The following MEGF9 variants were observed in gnomAD, a reference collection of about 807,000 sequenced individuals.
The protein encoded by MEGF9 is multiple epidermal growth factor-like domains protein 9.
A neutral mutation model predicts 46.8 loss-of-function variants in MEGF9; 6 were observed. That is an observed-to-expected ratio of 0.13 (90% CI 0.07 to 0.25). The LOEUF is 0.25. Among genes scored for constraint, MEGF9 ranks in the 10% least tolerant of loss-of-function variants. The pLI, the probability that MEGF9 is intolerant of heterozygous loss-of-function variation, is 1.00. For missense variants in MEGF9, 683 were observed against 792.4 expected (o/e 0.86, Z 1.66); for synonymous variants, 302 against 330.7 (o/e 0.91, Z 0.94).
At chr9:120,649,269 T>C (rs1191218712) in intron 2 of MEGF9, among the ~76,000 whole-genome samples, 1 of 152,234 alleles carries the variant, frequency 6.6e-6, no homozygotes, top group Non-Finnish European at 1.5e-5. Flanking sequence ...AATTTTAAGA[T>C]ACACCGTAGA....
intron 2 of MEGF9, among the ~76,000 whole-genome samples, chr9:120,632,640 G>A (rs897532661): frequency 6.6e-5 from 10 of 152,128 alleles, no homozygotes; most frequent in Non-Finnish European, 8.8e-5. Flanking sequence ...TGTTGAATAG[G>A]AGTGGTGAAA....
chr9:120,651,946 T>C (rs911187709), intron 2 of MEGF9, among the ~76,000 whole-genome samples: 1 of 151,446 alleles, frequency 6.6e-6, no homozygotes, highest in Non-Finnish European at 1.5e-5. Flanking sequence ...CCATCGCGCC[T>C]GGCCTGTATA....
chr9:120,629,846 T>C (rs1473761230), intron 2 of MEGF9, among the ~76,000 whole-genome samples: 1 of 151,944 alleles, frequency 6.6e-6, no homozygotes, highest in African/African-American at 2.4e-5. Context: ...GGCAGGCGAA[T>C]TGCTTGAACC....
At chr9:120,695,391 G>C (rs1159684558) in intron 1 of MEGF9, among the ~76,000 whole-genome samples, 1 of 151,920 alleles carries the variant, frequency 6.6e-6, no homozygotes, top group African/African-American at 2.4e-5. Context: ...AAATCACAAG[G>C]TCAGGAGTTC....
Position 120,603,377 on chromosome 9 carries a change from G to A in MEGF9, c.*1813C>T, listed in dbSNP as rs2043406119. ...AATATAATGTAACCTCTATTCTTCTGAGCAATGGCCAAATACGCAAAGCAC... is the reference window on the plus strand; with the variant it reads ...AATATAATGTAACCTCTATTCTTCTAAGCAATGGCCAAATACGCAAAGCAC... On this transcript the variant is annotated 3_prime_UTR_variant, in exon 6 of 6. Transcript: ENST00000373930. 6.6e-6 allele frequency: 1 copy of A among 152,108 alleles called. No individual in the cohort carries two copies. Among genetic ancestry groups the A allele is most frequent in the African/African-American group, 2.4e-5 (1 of 41,412 alleles). The allele number at this position is 152,108 out of a possible 1,614,324, so 9.4% of individuals were successfully genotyped here.
chr9:120,608,264 AATAATCT>A lies in MEGF9; in HGVS notation c.1088-261_1088-255del, dbSNP rs1284584001. On this transcript the variant is annotated intron_variant, in intron 4 of 5. Coordinates refer to ENST00000373930, the MANE Select transcript of MEGF9 (RefSeq NM_001080497.3). ...ATAATCTCTATTAATTAATTAAACT[AATAATCT>A]ATAATCTATTTACTAATTTTCCAGC... Among the ~76,000 whole-genome samples the A allele has an allele frequency of 2.6e-5, 4 of 152,260 alleles. No homozygotes were observed. In the East Asian group the frequency reaches 7.7e-4, roughly 29 times the overall value.
chr9:120,629,108 G>C (rs1431481503), intron 2 of MEGF9, among the ~76,000 whole-genome samples: 1 of 152,098 alleles, frequency 6.6e-6, no homozygotes, highest in Non-Finnish European at 1.5e-5. Context: ...CTTGAGTGTG[G>C]AACTACAGGC....
At chr9:120,619,516 T>C (rs1159542690) in intron 3 of MEGF9, among the ~76,000 whole-genome samples, 1 of 152,176 alleles carries the variant, frequency 6.6e-6, no homozygotes, top group Non-Finnish European at 1.5e-5. Context: ...AATTTATAGA[T>C]GAAGAAACAG....
chr9:120,643,404 T>C (rs2043611499), intron 2 of MEGF9, among the ~76,000 whole-genome samples: 1 of 152,186 alleles, frequency 6.6e-6, no homozygotes, highest in Admixed American at 6.5e-5. Context: ...AACATTAAAA[T>C]AGGCTATGAA....
chr9:120,642,820 T>C (rs1316153010), intron 2 of MEGF9, among the ~76,000 whole-genome samples: 2 of 152,242 alleles, frequency 1.3e-5, no homozygotes, highest in Admixed American at 1.3e-4. Context: ...GATTTTGTTA[T>C]TGACAATATA....
At chr9:120,622,414 T>C (rs1201138426) in intron 3 of MEGF9, among the ~76,000 whole-genome samples, 1 of 137,710 alleles carries the variant, frequency 7.3e-6, no homozygotes, top group Admixed American at 8.2e-5. Flanking sequence ...CATAGGTATA[T>C]GACTTTTTTT....
chr9:120,655,213 T>C (rs1040457724), intron 2 of MEGF9, among the ~76,000 whole-genome samples: 3 of 152,186 alleles, frequency 2.0e-5, no homozygotes, highest in Non-Finnish European at 2.9e-5. Flanking sequence ...AGACCAACCA[T>C]CAGTCCTGCA....
chr9:120,693,292 AAAGAAG>A lies in MEGF9; in HGVS notation c.601+20460_601+20465del, dbSNP rs1554799316. ...TGGTTAACCAAAAAAAAAAAAAAAAAAAGAAGAAGAAGAAGAAGAAGAAAAAGGAAA... is the reference window on the plus strand; with the variant it reads ...TGGTTAACCAAAAAAAAAAAAAAAAAAAGAAGAAGAAGAAGAAAAAGGAAA... On this transcript the variant is annotated intron_variant, in intron 1 of 5. Transcript: ENST00000373930. 9.1e-3 allele frequency among the ~76,000 whole-genome samples: 1,345 copies of A among 147,348 alleles called. 10 individuals are homozygous for A. Among genetic ancestry groups the A allele is most frequent in the African/African-American group, 0.033 (1,276 of 38,446 alleles).
chr9:120,712,311 T>A (rs891582574), intron 1 of MEGF9, among the ~76,000 whole-genome samples: 2 of 152,128 alleles, frequency 1.3e-5, no homozygotes, highest in African/African-American at 2.4e-5. Context: ...ATGAGTTAAG[T>A]ACTACTATAA....
chr9:120,652,175 CA>C (rs2043653862), intron 2 of MEGF9, among the ~76,000 whole-genome samples: 1 of 15,100 alleles, frequency 6.6e-5, no homozygotes, highest in African/African-American at 1.8e-4. Context: ...CACACACACA[CA>C]CACACAAAAA....
At chr9:120,707,245 C>T (rs930142731) in intron 1 of MEGF9, among the ~76,000 whole-genome samples, 1 of 152,116 alleles carries the variant, frequency 6.6e-6, no homozygotes, top group African/African-American at 2.4e-5. Flanking sequence ...TCCACAATCC[C>T]TCAAATCTGA....
chr9:120,609,347 C>A (rs560153233), intron 4 of MEGF9, among the ~76,000 whole-genome samples: 1 of 152,314 alleles, frequency 6.6e-6, no homozygotes, highest in Admixed American at 6.5e-5. Flanking sequence ...TAGGAATTAA[C>A]TCAGGTATTA....
chr9:120,711,844 T>TACACACACACACACACAC (rs924373123), intron 1 of MEGF9, among the ~76,000 whole-genome samples: 16 of 143,472 alleles, frequency 1.1e-4, no homozygotes, highest in African/African-American at 3.9e-4. Flanking sequence ...CATACATACA[T>TACACACACACACACACAC]ACACACACAC....
At chr9:120,633,138 A>AT (rs937488561) in intron 2 of MEGF9, among the ~76,000 whole-genome samples, 33 of 152,130 alleles carry the variant, frequency 2.2e-4, no homozygotes, top group African/African-American at 2.9e-4. Context: ...CTTCTCTTTG[A>AT]TTTTTTGGAA....
Sources: gnomAD v4.1 joint callset for allele counts (sites outside exome capture counted in the v4.1 genomes callset) on GRCh38, gnomAD v4.1.1 for gene constraint, MANE v1.5 for transcripts, NCBI Gene and HGNC (gene_info 2026-07-23, HGNC 2026-07-21) for gene names.